GUCY1A2: variants seen among roughly 807,000 people sequenced by gnomAD.
The protein encoded by GUCY1A2 is guanylate cyclase soluble subunit alpha-2.
A neutral mutation model predicts 63.5 loss-of-function variants in GUCY1A2; 27 were observed. The ratio of observed to expected loss-of-function variants is 0.43; its 90% CI spans 0.31 to 0.59. The LOEUF (loss-of-function observed/expected upper bound fraction) is 0.59, where lower values mean the gene tolerates loss of function less well. Ranked by LOEUF, GUCY1A2 falls within the 20% of genes least tolerant of loss-of-function variation. The probability of loss-of-function intolerance (pLI) is 0.11; values close to 1 mark genes in which losing one functional copy is unlikely to be tolerated. For missense variants in GUCY1A2, 768 were observed against 913.3 expected, an observed-to-expected ratio of 0.84 and a Z score of 2.05; for synonymous variants, 364 against 343.5, an observed-to-expected ratio of 1.06 and a Z score of -0.66.
At chr11:106,691,343 T>C (rs896196252) in intron 7 of GUCY1A2, among the ~76,000 whole-genome samples, 4 of 152,188 alleles carry the variant, frequency 2.6e-5, no homozygotes. Flanking sequence ...ACTATGGATT[T>C]AAGTACAAAA....
At chr11:106,771,658 G>T (rs907939501) in intron 6 of GUCY1A2, among the ~76,000 whole-genome samples, 1 of 152,020 alleles carries the variant, frequency 6.6e-6, no homozygotes, top group Non-Finnish European at 1.5e-5. Context: ...AGACTGAGTT[G>T]GGAGGATCCC....
At position 106,677,848 on chromosome 11, in the gene GUCY1A2, T is replaced by C. The variant is rs967812740; in HGVS notation, c.*9701A>G. The C allele has an allele frequency of 9.7e-6, 2 of 205,138 alleles. No individual in the cohort carries two copies. The highest frequency in any genetic ancestry group is 4.6e-5 in the African/African-American group (2 of 43,780). 12.7% of individuals were successfully genotyped at this position (205,138 alleles called of 1,614,324 possible). On this transcript the variant is annotated 3_prime_UTR_variant, in exon 8 of 8. Coordinates refer to ENST00000526355, the MANE Select transcript of GUCY1A2 (RefSeq NM_000855.3). Reference sequence around the variant, plus strand: ...TTTCATCTGAATCCAACTAAATATTTCATACATGTTCATAAAATGGGACTC... The same window carrying C: ...TTTCATCTGAATCCAACTAAATATTCCATACATGTTCATAAAATGGGACTC...
At chr11:106,704,458 T>C (rs1170706886) in intron 7 of GUCY1A2, among the ~76,000 whole-genome samples, 1 of 152,160 alleles carries the variant, frequency 6.6e-6, no homozygotes, top group African/African-American at 2.4e-5. Flanking sequence ...TCTGAGCTCA[T>C]GCACTTCACC....
At chr11:106,720,597 TTAAA>T (rs1479615763) in intron 6 of GUCY1A2, among the ~76,000 whole-genome samples, 2 of 152,182 alleles carry the variant, frequency 1.3e-5, no homozygotes, top group Non-Finnish European at 2.9e-5. Context: ...ATAAAACTGA[TTAAA>T]TAGTCATGCA....
In GUCY1A2 at chr11:106,687,304, A is replaced by T. The variant is rs1393798559; in HGVS notation, c.*245T>A. 1 of 439,652 alleles carries T rather than the reference A, an allele frequency of 2.3e-6. No individual in the cohort carries two copies. The highest frequency in any genetic ancestry group is 4.1e-6 in the Non-Finnish European group (1 of 246,354). The allele number at this position is 439,652 out of a possible 1,614,324, so 27.2% of individuals were successfully genotyped here. On this transcript the variant is annotated 3_prime_UTR_variant, in exon 8 of 8. Transcript: ENST00000526355. ...GGACCCACACTTGTAATTAAAATAT[A>T]TGTGTATATATATGACCAAAACCAC...
intron 4 of GUCY1A2, among the ~76,000 whole-genome samples, chr11:106,912,802 C>A (rs191634882): frequency 9.9e-5 from 15 of 152,142 alleles, no homozygotes; most frequent in African/African-American, 1.7e-4. Context: ...TTTAATGAAA[C>A]CTTCTGTTTC....
chr11:106,903,461 C>T (rs1860162109), intron 4 of GUCY1A2, among the ~76,000 whole-genome samples: 2 of 152,262 alleles, frequency 1.3e-5, no homozygotes, highest in Non-Finnish European at 2.9e-5. Context: ...ACCAAGACAA[C>T]TAATAAACCC....
At chr11:106,932,966 C>T (rs1210734186) in intron 4 of GUCY1A2, among the ~76,000 whole-genome samples, 1 of 152,046 alleles carries the variant, frequency 6.6e-6, no homozygotes, top group African/African-American at 2.4e-5. Flanking sequence ...CAAAAATGAA[C>T]TCAAGATGGA....
intron 4 of GUCY1A2, among the ~76,000 whole-genome samples, chr11:106,891,302 T>C (rs1165805725): frequency 1.3e-5 from 2 of 152,164 alleles, no homozygotes; most frequent in East Asian, 3.8e-4. Flanking sequence ...AACTGAATTG[T>C]CTTTTTATTG....
chr11:106,714,966 C>T (rs1424961080), intron 6 of GUCY1A2, among the ~76,000 whole-genome samples: 1 of 152,072 alleles, frequency 6.6e-6, no homozygotes, highest in Non-Finnish European at 1.5e-5. Context: ...GCATAGTAGA[C>T]TTTATTTTAA....
In GUCY1A2 at chr11:106,679,731, G is replaced by A. The variant is rs1862401178; in HGVS notation, c.*7818C>T. 4.6e-6 allele frequency: 1 copy of A among 219,586 alleles called. No homozygotes were observed. Among genetic ancestry groups the A allele is most frequent in the Non-Finnish European group, 9.1e-6 (1 of 109,446 alleles). The allele number at this position is 219,586 out of a possible 1,614,324, so 13.6% of individuals were successfully genotyped here. On this transcript the variant is annotated 3_prime_UTR_variant, in exon 8 of 8. Transcript: ENST00000526355. Reference sequence around the variant, plus strand: ...TGCTAATTTTAGCAGGGTTTTCTGTGGCATATGGCAGAGCTGGTATTGGGC... The same window carrying A: ...TGCTAATTTTAGCAGGGTTTTCTGTAGCATATGGCAGAGCTGGTATTGGGC...
chr11:106,770,849 A>AG (rs1864243584), intron 6 of GUCY1A2, among the ~76,000 whole-genome samples: 1 of 250 alleles, frequency 4.0e-3, no homozygotes, highest in South Asian at 0.083. Flanking sequence ...CAAATCAGGG[A>AG]ATGCTGTGAG....
chr11:106,962,954 C>T (rs1003911518), intron 3 of GUCY1A2, among the ~76,000 whole-genome samples: 3 of 151,966 alleles, frequency 2.0e-5, no homozygotes, highest in Non-Finnish European at 4.4e-5. Context: ...TGACCATGTA[C>T]AGCTATATTA....
chr11:106,712,833 G>A (rs542094958), intron 6 of GUCY1A2, among the ~76,000 whole-genome samples: 4 of 152,268 alleles, frequency 2.6e-5, no homozygotes, highest in Non-Finnish European at 2.9e-5. Flanking sequence ...TCCAAGTCCT[G>A]TATAAGTGCT....
At chr11:106,789,205 A>AT (rs1864617095) in intron 5 of GUCY1A2, among the ~76,000 whole-genome samples, 1 of 152,020 alleles carries the variant, frequency 6.6e-6, no homozygotes, top group Non-Finnish European at 1.5e-5. Flanking sequence ...CTGACTGTGT[A>AT]TTTTCAAGTA....
intron 3 of GUCY1A2, among the ~76,000 whole-genome samples, chr11:106,943,080 A>G (rs1284647102): frequency 1.3e-5 from 2 of 152,234 alleles, no homozygotes; most frequent in Non-Finnish European, 2.9e-5. Context: ...AAAAGAAAAA[A>G]GTTATTAGAT....
At chr11:106,998,449 C>T (rs1411940749) in intron 1 of GUCY1A2, among the ~76,000 whole-genome samples, 1 of 152,172 alleles carries the variant, frequency 6.6e-6, no homozygotes, top group East Asian at 1.9e-4. Flanking sequence ...ATCTGTCAAA[C>T]GTTGTCCTGC....
At chr11:106,987,079 G>A (rs1326815096) in intron 1 of GUCY1A2, among the ~76,000 whole-genome samples, 1 of 152,114 alleles carries the variant, frequency 6.6e-6, no homozygotes, top group Non-Finnish European at 1.5e-5. Context: ...GAGAGAGAAT[G>A]TTTTAAATAA....
chr11:106,964,761 T>A (rs190616796), intron 3 of GUCY1A2, among the ~76,000 whole-genome samples: 1 of 152,082 alleles, frequency 6.6e-6, no homozygotes, highest in Non-Finnish European at 1.5e-5. Flanking sequence ...GGGCGGATCA[T>A]GAGGTCAGGA....
Sources: gnomAD v4.1 joint callset for allele counts (sites outside exome capture counted in the v4.1 genomes callset) on GRCh38, gnomAD v4.1.1 for gene constraint, MANE v1.5 for transcripts, NCBI Gene and HGNC (gene_info 2026-07-23, HGNC 2026-07-21) for gene names.